The following FAM120B variants were observed in gnomAD, a reference collection of about 807,000 sequenced individuals.
FAM120B encodes constitutive coactivator of peroxisome proliferator-activated receptor gamma.
A neutral mutation model predicts 96.3 loss-of-function variants in FAM120B; 83 were observed. That is an observed-to-expected ratio of 0.86 (90% CI 0.72 to 1.03). FAM120B has a LOEUF of 1.03. FAM120B is among the 50% of genes least tolerant of loss of function. FAM120B has a pLI of 0.00. For missense variants in FAM120B, 1,027 were observed against 1,121.2 expected (o/e 0.92, Z 1.20); for synonymous variants, 407 against 402.7 (o/e 1.01, Z -0.13).
intron 5 of FAM120B, among the ~76,000 whole-genome samples, chr6:170,352,927 A>T (rs565814821): frequency 5.9e-5 from 9 of 151,766 alleles, no homozygotes; most frequent in East Asian, 5.8e-4. Flanking sequence ...AAAACCTTTT[A>T]AAAAAAAATC....
chr6:170,395,524 G>A lies in FAM120B; in HGVS notation c.2637G>A (p.Thr879=), dbSNP rs765458802. 54 of 1,600,618 alleles carry A rather than the reference G, an allele frequency of 3.4e-5. No homozygotes were observed. Among genetic ancestry groups the A allele is most frequent in the East Asian group, 4.5e-5 (2 of 44,342 alleles). Residue 879 remains threonine, a synonymous_variant, in exon 9 of 11, where the codon ACG becomes ACA. Coordinates refer to ENST00000476287, the MANE Select transcript of FAM120B (RefSeq NM_032448.3). The stretch of plus-strand genomic sequence containing the variant: ...GACAGGGCTCCAGCTACCACAGGAC[G>A]GGCTCTGGGTATAGCCGTTCCAGTC... The part of the protein sequence containing the change: ...WGRQGSSYHR[T]GSGYSRSSQG...
chr6:170,352,649 G>A (rs1182103921), intron 5 of FAM120B, among the ~76,000 whole-genome samples: 1 of 152,118 alleles, frequency 6.6e-6, no homozygotes, highest in Non-Finnish European at 1.5e-5. Flanking sequence ...CAACTACATG[G>A]AAATTGAACA....
intron 5 of FAM120B, among the ~76,000 whole-genome samples, chr6:170,348,985 A>T (rs1787400333): frequency 6.6e-6 from 1 of 152,150 alleles, no homozygotes; most frequent in Admixed American, 6.5e-5. Context: ...TTTCTTTTGC[A>T]TTAGCTTTAT....
intron 8 of FAM120B, among the ~76,000 whole-genome samples, chr6:170,395,171 G>A (rs1562597764): frequency 6.6e-6 from 1 of 152,170 alleles, no homozygotes; most frequent in East Asian, 1.9e-4. Context: ...TGGGCGCCAT[G>A]GCCTGCATGG....
intron 2 of FAM120B, among the ~76,000 whole-genome samples, chr6:170,322,632 A>G (rs1417058626): frequency 6.6e-6 from 1 of 152,200 alleles, no homozygotes; most frequent in East Asian, 1.9e-4. Flanking sequence ...GGGGCCTCAA[A>G]TGTTATGGTG....
upstream of FAM120B, chr6:170,290,758 C>T (rs368162978): frequency 8.2e-5 from 39 of 473,230 alleles, no homozygotes; most frequent in East Asian, 8.9e-4. This position sits in a 1 kb window ranked among gnomAD's most constrained non-coding sequence, Gnocchi z 4.7. Context: ...TCTCCGGTGT[C>T]ACAGCAAAGA....
At chr6:170,311,001 G>T (rs6456197) in intron 1 of FAM120B, among the ~76,000 whole-genome samples, 1 of 152,020 alleles carries the variant, frequency 6.6e-6, no homozygotes, top group Non-Finnish European at 1.5e-5. Flanking sequence ...ATTTCTGGGG[G>T]GATAGAAGAG....
Position 170,358,316 on chromosome 6 carries a change from C to T in FAM120B, c.2281C>T (p.Gln761Ter). 1 of 1,601,510 alleles carries T rather than the reference C, an allele frequency of 6.2e-7. No individual in the cohort carries two copies. The highest frequency in any genetic ancestry group is 8.5e-7 in the Non-Finnish European group (1 of 1,171,442). Residue 761 changes from glutamine to a stop codon, truncating the protein, a stop_gained and splice_region_variant, in exon 6 of 11, where the codon CAG becomes TAG. Coordinates refer to ENST00000476287, the MANE Select transcript of FAM120B (RefSeq NM_032448.3). LOFTEE classifies it high-confidence loss of function. ...ATCCACCTCGCAGCTTGTAAATCTA[C>T]AGGTACAGACGTGACCAGTTAGTTG... ...GKSTSQLVNL[Q>*]PDYINPRAVQ...
At chr6:170,320,563 G>A (rs1785220615) in intron 2 of FAM120B, among the ~76,000 whole-genome samples, 1 of 152,192 alleles carries the variant, frequency 6.6e-6, no homozygotes, top group African/African-American at 2.4e-5. Context: ...TACCGGCGAT[G>A]GTAGATGGTG....
rs569100451 is a variant in FAM120B, at chr6:170,330,763, G to A, written c.2017+213G>A. ...GGCAGGTTTACCCTGGACCATCTGC[G>A]GCGGTGCTCTGCCTCTTTCTCCATC... On this transcript the variant is annotated intron_variant, in intron 4 of 10. Coordinates refer to ENST00000476287, the MANE Select transcript of FAM120B (RefSeq NM_032448.3). 1.3e-4 allele frequency: 74 copies of A among 553,148 alleles called. No individual in the cohort carries two copies. The East Asian group carries it at 2.0e-3, about 15-fold the overall frequency. The allele number at this position is 553,148 out of a possible 1,614,324, so 34.3% of individuals were successfully genotyped here. A position where few individuals can be genotyped will look rare whatever the true frequency, so the allele number is the denominator to read the frequency against.
chr6:170,365,504 G>C (rs191956278), intron 6 of FAM120B, among the ~76,000 whole-genome samples: 1 of 152,332 alleles, frequency 6.6e-6, no homozygotes, highest in African/African-American at 2.4e-5. Context: ...GAAGAAAGAG[G>C]TTGCAGACAG....
At chr6:170,392,414 G>A (rs1469677769) in intron 8 of FAM120B, among the ~76,000 whole-genome samples, 2 of 152,154 alleles carry the variant, frequency 1.3e-5, no homozygotes, top group Non-Finnish European at 2.9e-5. Context: ...CACCATGTTG[G>A]CCAGGATTGT....
intron 9 of FAM120B, among the ~76,000 whole-genome samples, chr6:170,401,558 AGCCAGGACAGGCACC>A (rs1015853778): frequency 5.5e-4 from 83 of 152,224 alleles, no homozygotes; most frequent in African/African-American, 1.9e-3. Flanking sequence ...CCCCTGCAGG[AGCCAGGACAGGCACC>A]GCCAGTATCT....
rs187770839 is a variant in FAM120B at position 170,327,523 on chromosome 6, C to T, written c.1916-2926C>T. 2.6e-3 allele frequency among the ~76,000 whole-genome samples: 389 copies of T among 152,324 alleles called. 1 individual carries two copies. The highest frequency in any genetic ancestry group is 8.5e-3 in the African/African-American group (353 of 41,574). ...TCCACTTTAAATTATAGGCTTTATA[C>T]ACACTGCACACGGAGGCTGCTCCGG... On this transcript the variant is annotated intron_variant, in intron 3 of 10. Coordinates refer to ENST00000476287, the MANE Select transcript of FAM120B (RefSeq NM_032448.3).
chr6:170,295,730 C>T lies in FAM120B; in HGVS notation c.48+277C>T, dbSNP rs937086513. Among the ~76,000 whole-genome samples, 1 of 152,064 alleles carries T rather than the reference C, an allele frequency of 6.6e-6. No homozygotes were observed. Among genetic ancestry groups the T allele is most frequent in the African/African-American group, 2.4e-5 (1 of 41,422 alleles). On this transcript the variant is annotated intron_variant, in intron 1 of 10. Coordinates refer to the FAM120B transcript ENST00000537664. The surrounding 1 kb of genome is among the most constrained non-coding windows in gnomAD (Gnocchi z 7.8). ...CCTTTTCCTTTCTCAGGATCCGCGGCCGTGCAGAGAACAGGAAGACGGGCT... is the reference window on the plus strand; with the variant it reads ...CCTTTTCCTTTCTCAGGATCCGCGGTCGTGCAGAGAACAGGAAGACGGGCT...
chr6:170,326,155 G>T (rs1310619360), intron 3 of FAM120B, among the ~76,000 whole-genome samples: 1 of 152,108 alleles, frequency 6.6e-6, no homozygotes, highest in South Asian at 2.1e-4. Context: ...TTCCTTCAAA[G>T]ATGACATCTT....
chr6:170,365,017 T>G (rs1311947409), intron 6 of FAM120B, among the ~76,000 whole-genome samples: 1 of 152,150 alleles, frequency 6.6e-6, no homozygotes, highest in Non-Finnish European at 1.5e-5. Context: ...GTTTACAACA[T>G]CAGAATGAGA....
chr6:170,348,156 A>T lies in FAM120B; in HGVS notation c.2023A>T (p.Thr675Ser). The T allele has an allele frequency of 6.2e-7, 1 of 1,613,290 alleles. No individual in the cohort carries two copies. Among genetic ancestry groups the T allele is most frequent in the Non-Finnish European group, 8.5e-7 (1 of 1,179,522 alleles). Residue 675 changes from threonine (T) to serine (S), a missense_variant, in exon 5 of 11, where the codon ACG becomes TCG. Transcript: ENST00000476287. ...GGACTTTTTTTCTTAACTAGGGGGA[A>T]CGCCTAGTTTGAAAATATTATGGCT... ...RPLQMTIPGG[T>S]PSLKILWLNQ... is the part of the protein sequence containing the mutation.
chr6:170,295,268 C>T (rs1296669226), upstream of FAM120B: 1 of 631,202 alleles, frequency 1.6e-6, no homozygotes, highest in African/African-American at 1.9e-5. The surrounding 1 kb of genome is among the most constrained non-coding windows in gnomAD (Gnocchi z 7.8). Context: ...ACTCACTGGG[C>T]CATGTCCCCT....
Sources: gnomAD v4.1 joint callset for allele counts (sites outside exome capture counted in the v4.1 genomes callset) on GRCh38, gnomAD v4.1.1 for gene constraint, Gnocchi (gnomAD v3.1) non-coding constraint, MANE v1.5 for transcripts, NCBI Gene and HGNC (gene_info 2026-07-23, HGNC 2026-07-21) for gene names.